Variants in MTUS2 observed in about 807,000 individuals in gnomAD.
The protein encoded by MTUS2 is microtubule-associated tumor suppressor candidate 2.
Under a neutral mutation model 114.1 loss-of-function variants are expected in MTUS2, and 40 were observed. The observed-to-expected ratio is 0.35, with a 90% CI of 0.27 to 0.46. The LOEUF (loss-of-function observed/expected upper bound fraction) is 0.46. Among genes scored for constraint, MTUS2 ranks in the 20% least tolerant of loss-of-function variants. The probability of loss-of-function intolerance (pLI) is 1.00; values close to 1 mark genes in which losing one functional copy is unlikely to be tolerated. For synonymous variants in MTUS2, 688 were observed against 672.0 expected, an observed-to-expected ratio of 1.02 and a Z score of -0.37; for missense variants, 1,679 against 1,705.4, an observed-to-expected ratio of 0.98 and a Z score of 0.27.
chr13:29,442,348 C>T (rs1351283385), intron 9 of MTUS2, among the ~76,000 whole-genome samples: 2 of 152,046 alleles, frequency 1.3e-5, no homozygotes, highest in Non-Finnish European at 2.9e-5. Context: ...ACTTTGTGGC[C>T]GTTTGAAAAA....
At chr13:29,200,680 C>T (rs897899674) in intron 5 of MTUS2, among the ~76,000 whole-genome samples, 2 of 151,836 alleles carry the variant, frequency 1.3e-5, no homozygotes, top group African/African-American at 4.8e-5. Flanking sequence ...ACCACCATGC[C>T]CAGTTAATTT....
At chr13:29,022,053 A>G (rs766533274) in intron 2 of MTUS2, among the ~76,000 whole-genome samples, 1 of 152,210 alleles carries the variant, frequency 6.6e-6, no homozygotes, top group Non-Finnish European at 1.5e-5. Flanking sequence ...ATGCAAGCGC[A>G]CATGCACATG....
At chr13:29,279,764 G>A (rs1322004197) in intron 5 of MTUS2, among the ~76,000 whole-genome samples, 2 of 152,152 alleles carry the variant, frequency 1.3e-5, no homozygotes, top group Non-Finnish European at 2.9e-5. Context: ...TTCCCAGCCT[G>A]GAGAGCAGCC....
intron 6 of MTUS2, among the ~76,000 whole-genome samples, chr13:29,287,373 T>C (rs1898532467): frequency 6.6e-6 from 1 of 152,220 alleles, no homozygotes; most frequent in African/African-American, 2.4e-5. Context: ...GGGGATGCCT[T>C]AACCTCTGTG....
chr13:29,253,704 G>C (rs1045730226), intron 5 of MTUS2, among the ~76,000 whole-genome samples: 1 of 152,130 alleles, frequency 6.6e-6, no homozygotes, highest in African/African-American at 2.4e-5. Context: ...AAATACCTAA[G>C]ACTGGATAAT....
chr13:29,086,501 T>C (rs1303487799), intron 4 of MTUS2, among the ~76,000 whole-genome samples: 1 of 152,228 alleles, frequency 6.6e-6, no homozygotes, highest in Non-Finnish European at 1.5e-5. Flanking sequence ...TTTGTACCAG[T>C]ACCATGATGT....
rs1394757411 is a variant in MTUS2 at position 28,895,456 on chromosome 13, C to T, written c.-243+55606C>T. On this transcript the variant is annotated intron_variant, in intron 2 of 15. Coordinates refer to ENST00000612955, the MANE Select transcript of MTUS2 (RefSeq NM_001033602.4). ...ATAGTTGAGTATTGTGAATTTGGAA[C>T]CACATAACTCCCCAATATTAATTCA... Among the ~76,000 whole-genome samples the T allele has an allele frequency of 5.3e-5, 8 of 152,086 alleles. No individual in the cohort carries two copies. In the East Asian group the frequency reaches 1.3e-3, roughly 26 times the overall value.
intron 2 of MTUS2, among the ~76,000 whole-genome samples, chr13:28,937,455 G>A (rs1881968136): frequency 6.6e-6 from 1 of 152,140 alleles, no homozygotes; most frequent in South Asian, 2.1e-4. Context: ...CTTCCACACT[G>A]TGGAAGCTTT....
At chr13:29,039,311 C>T (rs1206124348) in intron 4 of MTUS2, among the ~76,000 whole-genome samples, 3 of 152,234 alleles carry the variant, frequency 2.0e-5, no homozygotes, top group African/African-American at 4.8e-5. Context: ...CAGAAGTTTC[C>T]GAAGTCTGCG....
chr13:29,140,375 T>C (rs893583985), intron 5 of MTUS2, among the ~76,000 whole-genome samples: 6 of 152,314 alleles, frequency 3.9e-5, no homozygotes, highest in African/African-American at 1.2e-4. Context: ...CTGGCACTGC[T>C]TACAAACAGT....
intron 5 of MTUS2, among the ~76,000 whole-genome samples, chr13:29,137,783 ATTTT>A (rs11288473): frequency 1.4e-5 from 2 of 144,518 alleles, no homozygotes; most frequent in Admixed American, 6.9e-5. Flanking sequence ...TGCCTGGTTA[ATTTT>A]TTTTTTTTTT....
chr13:29,301,506 G>A (rs542959694), intron 6 of MTUS2, among the ~76,000 whole-genome samples: 2 of 152,294 alleles, frequency 1.3e-5, no homozygotes, highest in East Asian at 3.9e-4. Flanking sequence ...CAAAGGAATG[G>A]AACAACTTTA....
chr13:29,215,814 C>T (rs1050298568), intron 5 of MTUS2, among the ~76,000 whole-genome samples: 1 of 152,190 alleles, frequency 6.6e-6, no homozygotes, highest in Non-Finnish European at 1.5e-5. Context: ...TGTCTGTTGA[C>T]CCCTGCTGGG....
At chr13:29,050,698 G>A (rs888558829) in intron 4 of MTUS2, among the ~76,000 whole-genome samples, 1 of 152,212 alleles carries the variant, frequency 6.6e-6, no homozygotes, top group African/African-American at 2.4e-5. Context: ...GAAGGACAGG[G>A]AAGCTCTGGA....
At chr13:29,474,216 GT>G (rs1880528381) in intron 9 of MTUS2, among the ~76,000 whole-genome samples, 2 of 152,160 alleles carry the variant, frequency 1.3e-5, no homozygotes, top group Non-Finnish European at 2.9e-5. Flanking sequence ...GGTGTACCCA[GT>G]TTGTGATTTA....
At chr13:28,873,614 T>G (rs1459958895) in intron 2 of MTUS2, among the ~76,000 whole-genome samples, 5 of 152,240 alleles carry the variant, frequency 3.3e-5, no homozygotes, top group African/African-American at 1.2e-4. Flanking sequence ...AGTTGGATGT[T>G]TACAATAATG....
chr13:29,184,014 TTGTTCTTTATTTGCTTTA>T (rs1172478641), intron 5 of MTUS2, among the ~76,000 whole-genome samples: 1 of 152,248 alleles, frequency 6.6e-6, no homozygotes, highest in Non-Finnish European at 1.5e-5. Flanking sequence ...ACAATTAACA[TTGTTCTTTATTTGCTTTA>T]TAAGCCATCA....
At chr13:28,864,926 A>G (rs894673991) in intron 2 of MTUS2, among the ~76,000 whole-genome samples, 1 of 152,144 alleles carries the variant, frequency 6.6e-6, no homozygotes, top group Non-Finnish European at 1.5e-5. Context: ...ACAGCTTTCA[A>G]TAGTTGATGT....
At chr13:29,421,938 CA>C (rs1204550930) in intron 8 of MTUS2, among the ~76,000 whole-genome samples, 1 of 152,162 alleles carries the variant, frequency 6.6e-6, no homozygotes, top group African/African-American at 2.4e-5. Context: ...TAAAATTGAA[CA>C]TTTTAACATT....
Sources: allele counts gnomAD v4.1 joint callset (sites outside exome capture counted in the v4.1 genomes callset), GRCh38; gene constraint gnomAD v4.1.1; transcripts MANE v1.5; gene names NCBI Gene and HGNC (gene_info 2026-07-23, HGNC 2026-07-21).